The following DNAH12 variants were observed in gnomAD, a reference collection of about 807,000 sequenced individuals.
DNAH12 encodes the protein dynein axonemal heavy chain 12.
A neutral mutation model predicts 371.5 loss-of-function variants in DNAH12; 285 were observed. The observed-to-expected ratio is 0.77, with a 90% CI of 0.70 to 0.85. DNAH12 has a LOEUF of 0.85. Among genes scored for constraint, DNAH12 ranks in the 40% least tolerant of loss-of-function variants. The pLI, the probability that DNAH12 is intolerant of heterozygous loss-of-function variation, is 0.00. For synonymous variants in DNAH12, 1,200 were observed against 1,213.0 expected, an observed-to-expected ratio of 0.99 and a Z score of 0.22; for missense variants, 3,611 against 3,689.4, an observed-to-expected ratio of 0.98 and a Z score of 0.55.
At chr3:57,435,373 C>CAAA (rs34515598) in intron 30 of DNAH12, among the ~76,000 whole-genome samples, 1,029 of 94,688 alleles carry the variant, frequency 0.011, 22 homozygotes, top group African/African-American at 0.037. Flanking sequence ...CTCTGTCTCC[C>CAAA]AAAAAAAAAA....
At position 57,446,570 on chromosome 3, in the gene DNAH12, A is replaced by G. The variant is rs1191057629; in HGVS notation, c.3906T>C (p.Cys1302=). Residue 1302 remains cysteine, a synonymous_variant, in exon 26 of 74, where the codon TGT becomes TGC. Transcript: ENST00000495027. ...ALAVQCVVFN[C]SDGLDYLAMG... is the part of the protein sequence containing the mutation. ...TTGCTAGATAATCTAGCCCATCAGA[A>G]CAGTTGAACACCACACACTGTACAG... 2.6e-6 allele frequency: 4 copies of G among 1,542,698 alleles called. No homozygotes were observed. The East Asian group carries it at 7.3e-5, about 28-fold the overall frequency.
chr3:57,446,105 T>G lies in DNAH12; in HGVS notation c.4105A>C (p.Asn1369His). The change falls in exon 27 of 74, where the codon AAT becomes CAT. Residue 1369 changes from asparagine (N) to histidine (H), a missense_variant. Around this residue, in one of 3 missense-constraint regions of DNAH12, gnomAD observed 2,266 missense variants for 2,236.9 expected, o/e 1.01. Coordinates refer to ENST00000495027, the MANE Select transcript of DNAH12 (RefSeq NM_001366028.2). Reference protein sequence around the residue: ...FVFEGTELKLNPNCFVAITMN... With the variant: ...FVFEGTELKLHPNCFVAITMN... ...GTAATAGCTACAAAACAATTCGGAT[T>G]GAGCTTAAGTTCTGTCCCTTCAAAA... 1 of 1,551,660 alleles carries G rather than the reference T, an allele frequency of 6.4e-7. No homozygotes were observed. The highest frequency in any genetic ancestry group is 8.7e-7 in the Non-Finnish European group (1 of 1,146,958).
At chr3:57,501,250 T>C in intron 11 of DNAH12, 71 bp downstream of exon 11, 1 of 1,142,980 alleles carries the variant, frequency 8.7e-7, no homozygotes, top group Non-Finnish European at 1.3e-6. Flanking sequence ...GCATTTACTT[T>C]TTAGAATGGA....
intron 41 of DNAH12, 118 bp from the exon 42 acceptor site, chr3:57,405,265 G>T: frequency 1.2e-6 from 1 of 826,466 alleles, no homozygotes; most frequent in Non-Finnish European, 1.8e-6. Flanking sequence ...CATTAGGGTA[G>T]TAAAAAATGC....
intron 13 of DNAH12, among the ~76,000 whole-genome samples, chr3:57,475,622 AT>A (rs1409113977): frequency 1.3e-5 from 2 of 152,232 alleles, no homozygotes; most frequent in Admixed American, 6.5e-5. Flanking sequence ...ACCCAAAAAA[AT>A]AAATGAGCAA....
intron 58 of DNAH12, among the ~76,000 whole-genome samples, chr3:57,363,061 G>T (rs1479762647): frequency 1.3e-5 from 2 of 152,074 alleles, no homozygotes; most frequent in Non-Finnish European, 2.9e-5. Flanking sequence ...TATAAGGGAG[G>T]AATCCAGTTT....
chr3:57,428,906 T>C (rs1195334957), intron 33 of DNAH12, 85 bp from the exon 34 acceptor site: 2 of 1,309,096 alleles, frequency 1.5e-6, no homozygotes, highest in East Asian at 5.1e-5. Flanking sequence ...AGATGACTTA[T>C]GAGATCCTTT....
At chr3:57,449,720 C>T (rs950811097) in intron 25 of DNAH12, among the ~76,000 whole-genome samples, 16 of 152,192 alleles carry the variant, frequency 1.1e-4, no homozygotes, top group African/African-American at 2.7e-4. Flanking sequence ...TTCCCGCTCG[C>T]GCCTCTCCCT....
intron 70 of DNAH12, among the ~76,000 whole-genome samples, chr3:57,301,475 A>T (rs2061344853): frequency 6.6e-6 from 1 of 151,976 alleles, no homozygotes; most frequent in Non-Finnish European, 1.5e-5. Flanking sequence ...GTATAATTTT[A>T]ATTTTCCACT....
intron 58 of DNAH12, among the ~76,000 whole-genome samples, chr3:57,357,915 A>G (rs1256511503): frequency 6.6e-6 from 1 of 152,210 alleles, no homozygotes; most frequent in Non-Finnish European, 1.5e-5. Flanking sequence ...AGCTTCTCAT[A>G]TGTTTAATTT....
chr3:57,343,777 G>A (rs2062465922), intron 60 of DNAH12, among the ~76,000 whole-genome samples: 1 of 152,172 alleles, frequency 6.6e-6, no homozygotes, highest in Non-Finnish European at 1.5e-5. Context: ...TTCTAAGATA[G>A]GAGAAAAACC....
rs1309906063 is a variant in DNAH12, at chr3:57,489,647, A to C, written c.1376T>G (p.Leu459Arg). The change falls in exon 12 of 74, where the codon CTT (leucine) becomes CGT (arginine). Residue 459 changes from leucine to arginine, a missense_variant. Transcript: ENST00000495027. Reference protein sequence around the residue: ...KFLSLASEIMLLPQWIHYTMV... With the variant: ...KFLSLASEIMRLPQWIHYTMV... ...AGTGTAATGAATCCACTGAGGCAAA[A>C]GCATTATTTCTGAGGCAAGACTGAG... is the stretch of plus-strand genomic sequence containing the variant. 3 of 1,530,010 alleles carry C rather than the reference A, an allele frequency of 2.0e-6. No homozygotes were observed. The East Asian group carries it at 7.5e-5, about 38-fold the overall frequency. The allele number at this position is 1,530,010 out of a possible 1,614,324, so 94.8% of individuals were successfully genotyped here.
intron 27 of DNAH12, 85 bp from the exon 28 acceptor site, chr3:57,445,504 TGTC>T (rs1233267160): frequency 2.3e-5 from 27 of 1,194,432 alleles, no homozygotes; most frequent in Non-Finnish European, 2.7e-5. Context: ...GGTGTGGTGT[TGTC>T]AAGTTTATTC....
intron 7 of DNAH12, among the ~76,000 whole-genome samples, 166 bp downstream of exon 7, chr3:57,508,206 AAAAAAAAACC>A (rs1466277801): frequency 1.9e-4 from 29 of 151,914 alleles, no homozygotes; most frequent in African/African-American, 6.8e-4. Context: ...AAAACAAAAA[AAAAAAAAACC>A]AAAAAAAACC....
chr3:57,432,591 T>C (rs1447380716), intron 32 of DNAH12, among the ~76,000 whole-genome samples: 1 of 152,164 alleles, frequency 6.6e-6, no homozygotes, highest in Non-Finnish European at 1.5e-5. Context: ...GATACTAATA[T>C]AGACATAAAT....
chr3:57,521,693 C>G (rs2068452542), intron 4 of DNAH12, among the ~76,000 whole-genome samples: 1 of 152,094 alleles, frequency 6.6e-6, no homozygotes, highest in African/African-American at 2.4e-5. Flanking sequence ...TCAAGACCAG[C>G]CTGGCCAACA....
chr3:57,524,739 T>C (rs2068574978), intron 2 of DNAH12, among the ~76,000 whole-genome samples: 4 of 152,018 alleles, frequency 2.6e-5, no homozygotes. Context: ...GAGACATAGT[T>C]TTCCTGGGAT....
intron 42 of DNAH12, among the ~76,000 whole-genome samples, chr3:57,404,676 T>C (rs1352426669): frequency 1.3e-5 from 2 of 151,902 alleles, no homozygotes; most frequent in East Asian, 1.9e-4. Flanking sequence ...GCTGAGATAG[T>C]GCCATTGCAC....
At chr3:57,525,403 C>T (rs952122763) in intron 2 of DNAH12, among the ~76,000 whole-genome samples, 3 of 152,098 alleles carry the variant, frequency 2.0e-5, no homozygotes, top group Admixed American at 1.3e-4. Context: ...TAGATGAATC[C>T]TCTCAGCAAT....
Sources: gnomAD v4.1 joint callset for allele counts (sites outside exome capture counted in the v4.1 genomes callset) on GRCh38, gnomAD v4.1.1 for gene constraint, gnomAD v4.1.1 regional missense constraint, MANE v1.5 for transcripts, NCBI Gene and HGNC (gene_info 2026-07-23, HGNC 2026-07-21) for gene names.